The following RTF2 variants were observed in gnomAD, a reference collection of about 807,000 sequenced individuals.
RTF2 encodes the protein UPF0549 protein C20orf43.
RTF2 carries 18 observed loss-of-function variants against 38.0 expected under a neutral mutation model. That is an observed-to-expected ratio of 0.47 (90% CI 0.33 to 0.70). The LOEUF is 0.70. RTF2 is among the 30% of genes least tolerant of loss of function. RTF2 has a pLI of 0.02. For missense variants in RTF2, 311 were observed against 379.6 expected (o/e 0.82, Z 1.50); for synonymous variants, 126 against 137.1 (o/e 0.92, Z 0.57).
intron 6 of RTF2, 106 bp downstream of exon 6, chr20:56,513,534 C>G: frequency 7.1e-7 from 1 of 1,407,050 alleles, no homozygotes; most frequent in East Asian, 2.6e-5. Flanking sequence ...ATGATCAAGG[C>G]GATTTTTATA....
chr20:56,504,492 G>A (rs1258196897), intron 5 of RTF2, among the ~76,000 whole-genome samples: 1 of 152,140 alleles, frequency 6.6e-6, no homozygotes, highest in East Asian at 1.9e-4. Flanking sequence ...TAAAAATCCT[G>A]TTTCTCCATA....
At chr20:56,471,387 T>C (rs529411468) in intron 1 of RTF2, among the ~76,000 whole-genome samples, 1 of 152,122 alleles carries the variant, frequency 6.6e-6, no homozygotes, top group East Asian at 1.9e-4. Context: ...GCTAACACAG[T>C]GAAACCCTGT....
At chr20:56,495,356 C>CTA in intron 5 of RTF2, 1 of 1,300,640 alleles carries the variant, frequency 7.7e-7, no homozygotes, top group Non-Finnish European at 1.1e-6. Flanking sequence ...TCTTTTAGTA[C>CTA]AAGTTCTTCT....
At chr20:56,509,822 C>G (rs1233768400) in intron 5 of RTF2, among the ~76,000 whole-genome samples, 1 of 152,056 alleles carries the variant, frequency 6.6e-6, no homozygotes. Context: ...GAAATGAAAA[C>G]AACTGTCCAC....
intron 6 of RTF2, among the ~76,000 whole-genome samples, chr20:56,514,473 T>C (rs1984890981): frequency 6.6e-6 from 1 of 152,180 alleles, no homozygotes; most frequent in Non-Finnish European, 1.5e-5. Context: ...CATAAAATTA[T>C]GAAACAAATC....
intron 1 of RTF2, among the ~76,000 whole-genome samples, chr20:56,468,982 G>C (rs918801880): frequency 2.0e-5 from 3 of 152,190 alleles, no homozygotes; most frequent in Non-Finnish European, 4.4e-5. Flanking sequence ...CTTAACAGGG[G>C]GTATCTCATG....
At chr20:56,511,204 T>C (rs1984645273) in intron 5 of RTF2, among the ~76,000 whole-genome samples, 1 of 152,064 alleles carries the variant, frequency 6.6e-6, no homozygotes, top group Non-Finnish European at 1.5e-5. Flanking sequence ...CCCATACCGG[T>C]GACAGTCCGT....
At chr20:56,489,293 T>A (rs542983206) in intron 5 of RTF2, among the ~76,000 whole-genome samples, 2 of 151,496 alleles carry the variant, frequency 1.3e-5, no homozygotes, top group Admixed American at 6.6e-5. Context: ...CTGAAACTCC[T>A]GACCTCGTGA....
intron 6 of RTF2, 134 bp from the exon 7 acceptor site, chr20:56,516,801 T>C (rs1367656232): frequency 1.3e-6 from 1 of 776,990 alleles, no homozygotes; most frequent in Non-Finnish European, 2.2e-6. Context: ...AAAAGCCTTC[T>C]TCAGAGTGAC....
intron 5 of RTF2, among the ~76,000 whole-genome samples, chr20:56,490,677 C>T (rs1043292158): frequency 6.6e-6 from 1 of 152,108 alleles, no homozygotes; most frequent in African/African-American, 2.4e-5. Context: ...ATTAGCCAGG[C>T]GTGGTGGTGC....
intron 5 of RTF2, chr20:56,491,431 G>A (rs985662565): frequency 1.5e-6 from 1 of 679,306 alleles, no homozygotes; most frequent in South Asian, 1.9e-5. Context: ...CTTGTCAATA[G>A]CATGTTTCTG....
At chr20:56,517,655 G>C (rs1985136533) in intron 8 of RTF2, among the ~76,000 whole-genome samples, 1 of 152,134 alleles carries the variant, frequency 6.6e-6, no homozygotes, top group South Asian at 2.1e-4. Flanking sequence ...CTCACTCTCT[G>C]TAACTCAAAG....
At position 56,476,522 on chromosome 20, in the gene RTF2, G is replaced by A. The variant is rs900777394; in HGVS notation, c.259-463G>A. On this transcript the variant is annotated intron_variant, in intron 3 of 8. Transcript: ENST00000357348. ...GTTTTCTTTTTTTTTTTTTTGAGAC[G>A]GAGTTTTGCTCTTGTTGTCCAGGCT... Among the ~76,000 whole-genome samples the A allele has an allele frequency of 7.4e-5, 10 of 135,780 alleles. No individual in the cohort carries two copies. In the East Asian group the frequency reaches 1.3e-3, roughly 18 times the overall value. 89.1% of individuals were successfully genotyped at this position (135,780 alleles called of 152,430 possible). A position where few individuals can be genotyped will look rare whatever the true frequency, so the allele number is the denominator to read the frequency against.
chr20:56,508,367 T>C (rs1984417507), intron 5 of RTF2, among the ~76,000 whole-genome samples: 1 of 152,218 alleles, frequency 6.6e-6, no homozygotes, highest in Non-Finnish European at 1.5e-5. Context: ...GGGCATAGTA[T>C]GTCTGTTATT....
intron 5 of RTF2, among the ~76,000 whole-genome samples, chr20:56,510,638 C>G (rs993875419): frequency 6.6e-6 from 1 of 152,162 alleles, no homozygotes; most frequent in Non-Finnish European, 1.5e-5. Context: ...AGGGTAAAAT[C>G]AATGAAATCT....
At chr20:56,489,531 A>G (rs1332254216) in intron 5 of RTF2, among the ~76,000 whole-genome samples, 1 of 152,092 alleles carries the variant, frequency 6.6e-6, no homozygotes, top group Admixed American at 6.6e-5. Flanking sequence ...TCCCAGCCCC[A>G]CTTTCCCAGC....
Position 56,505,350 on chromosome 20 carries a change from T to C in RTF2, c.478-7965T>C, listed in dbSNP as rs534561458. Among the ~76,000 whole-genome samples, 5 of 151,968 alleles carry C rather than the reference T, an allele frequency of 3.3e-5. No homozygotes were observed. In the South Asian group the frequency reaches 1.0e-3, roughly 32 times the overall value. ...AAAATTCTTAAAAATTAGCCGGATA[T>C]GGTGGTGCGCACCTGTAGTCCTAGC... On this transcript the variant is annotated intron_variant, in intron 5 of 8. Coordinates refer to ENST00000357348, the MANE Select transcript of RTF2 (RefSeq NM_016407.5).
chr20:56,515,484 AT>A (rs1392433370), intron 6 of RTF2, among the ~76,000 whole-genome samples: 1 of 152,048 alleles, frequency 6.6e-6, no homozygotes, highest in Non-Finnish European at 1.5e-5. Flanking sequence ...AGGCGGAAGA[AT>A]TGGTTGAACT....
intron 5 of RTF2, chr20:56,503,976 A>ACG (rs1266240441): frequency 6.6e-6 from 1 of 152,418 alleles, no homozygotes; most frequent in East Asian, 1.9e-4. Flanking sequence ...ACACACACAC[A>ACG]CGCACACACA....
Sources: allele counts gnomAD v4.1 joint callset (sites outside exome capture counted in the v4.1 genomes callset), GRCh38; gene constraint gnomAD v4.1.1; transcripts MANE v1.5; gene names NCBI Gene and HGNC (gene_info 2026-07-23, HGNC 2026-07-21).